Variants in DOK7 observed in about 807,000 individuals in gnomAD.
DOK7 encodes the protein protein Dok-7.
In DOK7, 32 loss-of-function variants were observed where a neutral mutation model predicts 30.7. That is an observed-to-expected ratio of 1.04 (90% CI 0.79 to 1.40). The LOEUF (loss-of-function observed/expected upper bound fraction) is 1.40. Among genes scored for constraint, DOK7 ranks in the 40% most tolerant of loss-of-function variants. The pLI is 0.00. For synonymous variants in DOK7, 447 were observed against 324.1 expected (o/e 1.38, Z -4.07); for missense variants, 1,007 against 699.2 (o/e 1.44, Z -4.97).
rs369536855 is a variant in DOK7, at chr4:3,469,184, TGA to T, written c.101-4220_101-4219del. 8.6e-4 allele frequency among the ~76,000 whole-genome samples: 131 copies of T among 151,930 alleles called. 1 individual carries two copies. The highest frequency in any genetic ancestry group is 2.2e-3 in the Admixed American group (34 of 15,258). Reference sequence around the variant, plus strand: ...GTGCATGTGTGTGTGTGCGTCTGTGTGAGTGTGCATGTATGAGTGTGTGTGCC... The same window carrying T: ...GTGCATGTGTGTGTGTGCGTCTGTGTGTGTGCATGTATGAGTGTGTGTGCC... On this transcript the variant is annotated intron_variant, in intron 2 of 6. Transcript: ENST00000340083.
Position 3,473,480 on chromosome 4 carries a change from C to G in DOK7, c.175C>G (p.Leu59Val), listed in dbSNP as rs758560087. 6.2e-7 allele frequency: 1 copy of G among 1,611,218 alleles called. No individual in the cohort carries two copies. ...KGLRERSSLT[L>V]EDICGLEPGL... ...CCTGCGGGAGCGCAGCAGCCTGACGCTAGAGGACATCTGCGGGCTGGAGCC... is the reference window on the plus strand; with the variant it reads ...CCTGCGGGAGCGCAGCAGCCTGACGGTAGAGGACATCTGCGGGCTGGAGCC... The change falls in exon 3 of 7, where the codon CTA becomes GTA. Residue 59 changes from leucine (L) to valine (V), a missense_variant. Leu to Val is a conservative substitution (Grantham distance 32, BLOSUM62 1). Transcript: ENST00000340083.
chr4:3,468,401 G>C (rs1316574139), intron 2 of DOK7, among the ~76,000 whole-genome samples: 1 of 150,416 alleles, frequency 6.6e-6, no homozygotes, highest in African/African-American at 2.5e-5. Flanking sequence ...TGTCTGCATG[G>C]GCATGCAGCA....
In DOK7 at chr4:3,485,628, G is replaced by T. The variant is rs1727727981; in HGVS notation, c.622G>T (p.Gly208Cys). 1.2e-6 allele frequency: 2 copies of T among 1,603,282 alleles called. No homozygotes were observed. The highest frequency in any genetic ancestry group is 1.7e-5 in the Admixed American group (1 of 59,268). Residue 208 changes from glycine (G) to cysteine (C), a missense_variant, in exon 5 of 7, where the codon GGC becomes TGC. By Grantham distance (159) the Gly-to-Cys change is radical. Coordinates refer to ENST00000340083, the MANE Select transcript of DOK7 (RefSeq NM_173660.5). ...CIVRGISPTK[G>C]PFGLRPVLPD... Reference sequence around the variant, plus strand: ...CGTCCGAGGCATCTCCCCCACCAAGGGCCCCTTTGGGCTGCGGCCGGTTCT... The same window carrying T: ...CGTCCGAGGCATCTCCCCCACCAAGTGCCCCTTTGGGCTGCGGCCGGTTCT...
chr4:3,499,301 G>C (rs570076349), downstream of DOK7, among the ~76,000 whole-genome samples: 15 of 152,246 alleles, frequency 9.9e-5, no homozygotes, highest in African/African-American at 3.6e-4. Context: ...GTCACTGTGG[G>C]TGGGGCTTGG....
At chr4:3,496,177 G>A (rs937950783), downstream of DOK7, among the ~76,000 whole-genome samples, 14 of 152,352 alleles carry the variant, frequency 9.2e-5, no homozygotes, top group Middle Eastern at 6.8e-3. Context: ...TCCCGCAAGC[G>A]CCCTTCAGAC....
In DOK7 at chr4:3,489,857, A is replaced by G. The variant is rs554094316; in HGVS notation, c.772+61A>G. 2.7e-4 allele frequency: 414 copies of G among 1,544,204 alleles called. 4 individuals carry two copies. In the South Asian group the frequency reaches 4.6e-3, roughly 17 times the overall value. Reference sequence around the variant, plus strand: ...GGCTAAGCCTCCAGCAGGAGAGCTCAGGAGGCATCCATGCATGTGTGGGGG... The same window carrying G: ...GGCTAAGCCTCCAGCAGGAGAGCTCGGGAGGCATCCATGCATGTGTGGGGG... On this transcript the variant is annotated intron_variant, in intron 6 of 6. Transcript: ENST00000340083.
chr4:3,489,107 G>A (rs1309428417), intron 5 of DOK7, among the ~76,000 whole-genome samples: 2 of 152,198 alleles, frequency 1.3e-5, no homozygotes, highest in Non-Finnish European at 2.9e-5. Context: ...GGTGCTCCCT[G>A]GATGCAGCCC....
At chr4:3,469,171 G>C (rs1399570209) in intron 2 of DOK7, among the ~76,000 whole-genome samples, 1 of 151,676 alleles carries the variant, frequency 6.6e-6, no homozygotes, top group Non-Finnish European at 1.5e-5. Flanking sequence ...GCATGTGTGT[G>C]TGTGCGTCTG....
At chr4:3,489,898 G>A (rs918385178) in intron 6 of DOK7, 102 bp downstream of exon 6, 2 of 1,478,490 alleles carry the variant, frequency 1.4e-6, no homozygotes, top group African/African-American at 1.4e-5. Flanking sequence ...GGCTCCCTCT[G>A]CTCATTCATT....
intron 5 of DOK7, among the ~76,000 whole-genome samples, chr4:3,487,860 G>A (rs1389240798): frequency 6.6e-6 from 1 of 152,222 alleles, no homozygotes; most frequent in Non-Finnish European, 1.5e-5. Context: ...CAGGGCTGAG[G>A]GGCAGTTGTG....
downstream of DOK7, among the ~76,000 whole-genome samples, chr4:3,495,088 G>A (rs1173024260): frequency 6.6e-6 from 1 of 152,234 alleles, no homozygotes; most frequent in East Asian, 1.9e-4. Flanking sequence ...CTGCTGGCTG[G>A]GTGACCCTAC....
At chr4:3,488,904 G>T (rs1046538428) in intron 5 of DOK7, among the ~76,000 whole-genome samples, 10 of 152,014 alleles carry the variant, frequency 6.6e-5, no homozygotes, top group African/African-American at 2.4e-4. Context: ...ACTTGGCCCA[G>T]TGTTCACATC....
rs757723197 is a variant in DOK7 at position 3,492,931 on chromosome 4, A to C, written c.945A>C (p.Ser315=). 9 of 1,559,754 alleles carry C rather than the reference A, an allele frequency of 5.8e-6. No individual in the cohort carries two copies. The highest frequency in any genetic ancestry group is 1.7e-4 in the Middle Eastern group (1 of 6,036). The change falls in exon 7 of 7, where the codon TCA becomes TCC. Residue 315 remains serine (S), a synonymous_variant. Coordinates refer to ENST00000340083, the MANE Select transcript of DOK7 (RefSeq NM_173660.5). ...QAAGEAMVGA[S]RPPPKPLRPR... is the part of the protein sequence containing the mutation. ...CCGGGGAAGCCATGGTGGGTGCCTC[A>C]AGGCCACCCCCCAAGCCGCTGCGTC...
intron 4 of DOK7, 55 bp from the exon 5 acceptor site, chr4:3,485,483 AG>A: frequency 6.9e-7 from 1 of 1,459,522 alleles, no homozygotes; most frequent in Middle Eastern, 1.8e-4. Flanking sequence ...CCTCCTCTTC[AG>A]GGTCCCCAGC....
rs1454377371 is a variant in DOK7 at position 3,493,550 on chromosome 4, A to C, written c.*49A>C. On this transcript the variant is annotated 3_prime_UTR_variant, in exon 7 of 7. Coordinates refer to ENST00000340083, the MANE Select transcript of DOK7 (RefSeq NM_173660.5). The stretch of plus-strand genomic sequence containing the variant: ...CTGCAAAGGGGCTGAATTTGCCCCC[A>C]GATGGCAGAGGAAGTGGCGCCAGCC... 1.3e-6 allele frequency: 2 copies of C among 1,593,360 alleles called. No homozygotes were observed. The highest frequency in any genetic ancestry group is 2.7e-5 in the African/African-American group (2 of 74,356).
chr4:3,466,832 G>A (rs1231461678), intron 2 of DOK7, among the ~76,000 whole-genome samples: 11 of 152,164 alleles, frequency 7.2e-5, no homozygotes, highest in Admixed American at 6.5e-4. Flanking sequence ...TCTGTGGTCT[G>A]GGGGGCCCAC....
At chr4:3,498,826 C>T (rs930081817), downstream of DOK7, among the ~76,000 whole-genome samples, 1 of 152,252 alleles carries the variant, frequency 6.6e-6, no homozygotes, top group African/African-American at 2.4e-5. Context: ...GGAGGGGGGT[C>T]TCCCCAGGGC....
rs776722884 is a variant in DOK7, at chr4:3,492,944, A to G, written c.958A>G (p.Lys320Glu). The change falls in exon 7 of 7, where the codon AAG (lysine) becomes GAG (glutamate). Residue 320 changes from lysine to glutamate, a missense_variant. By Grantham distance (56) the Lys-to-Glu change is moderately conservative. Transcript: ENST00000340083. The stretch of plus-strand genomic sequence containing the variant: ...GGTGGGTGCCTCAAGGCCACCCCCC[A>G]AGCCGCTGCGTCCGCGGCAGCTGCA... ...AMVGASRPPP[K>E]PLRPRQLQEV... 3.2e-6 allele frequency: 5 copies of G among 1,556,402 alleles called. No homozygotes were observed. In the East Asian group the frequency reaches 7.2e-5, roughly 22 times the overall value.
intron 2 of DOK7, among the ~76,000 whole-genome samples, chr4:3,468,798 CTG>C (rs141434215): frequency 0.035 from 4,689 of 133,662 alleles, 252 homozygotes; most frequent in African/African-American, 0.13. Context: ...TCATGTATGT[CTG>C]TGTGTGCCTG....
Sources: gnomAD v4.1 joint callset for allele counts (sites outside exome capture counted in the v4.1 genomes callset) on GRCh38, gnomAD v4.1.1 for gene constraint, MANE v1.5 for transcripts, NCBI Gene and HGNC (gene_info 2026-07-23, HGNC 2026-07-21) for gene names.